FSHR: variants seen among roughly 807,000 people sequenced by gnomAD.
FSHR encodes the protein follicle stimulating hormone receptor, also known as follicle-stimulating hormone receptor.
Under a neutral mutation model 52.1 loss-of-function variants are expected in FSHR, and 46 were observed. The ratio of observed to expected loss-of-function variants is 0.88; its 90% confidence interval spans 0.70 to 1.13. The LOEUF (loss-of-function observed/expected upper bound fraction) is 1.13, where lower values mean the gene tolerates loss of function less well. Ranked by LOEUF, FSHR falls within the 50% of genes most tolerant of loss-of-function variation. The probability of loss-of-function intolerance (pLI) is 0.00; values close to 1 mark genes in which losing one functional copy is unlikely to be tolerated. For missense variants in FSHR, 964 were observed against 834.6 expected (o/e 1.16, Z -1.91); for synonymous variants, 399 against 309.6 (o/e 1.29, Z -3.03).
chr2:49,000,678 T>A (rs1457303981), intron 4 of FSHR, among the ~76,000 whole-genome samples: 1 of 152,114 alleles, frequency 6.6e-6, no homozygotes, highest in Non-Finnish European at 1.5e-5. Flanking sequence ...AAGCTGTAGA[T>A]TTTTCCCTTC....
At chr2:48,988,781 A>G (rs577356906) in intron 6 of FSHR, among the ~76,000 whole-genome samples, 196 bp downstream of exon 6, 1 of 152,352 alleles carries the variant, frequency 6.6e-6, no homozygotes, top group Admixed American at 6.5e-5. Context: ...CACACCCCAG[A>G]ATCATAAATT....
intron 1 of FSHR, among the ~76,000 whole-genome samples, chr2:49,087,808 A>T (rs1284280502): frequency 6.6e-6 from 1 of 152,198 alleles, no homozygotes; most frequent in Non-Finnish European, 1.5e-5. Flanking sequence ...TCTACGTGAC[A>T]CACATTATCT....
chr2:49,034,683 T>A (rs2104264894), intron 2 of FSHR, among the ~76,000 whole-genome samples: 1 of 152,342 alleles, frequency 6.6e-6, no homozygotes, highest in Non-Finnish European at 1.5e-5. Context: ...TTATCCCTGG[T>A]GTTATTACAG....
At chr2:48,977,121 C>G (rs1675025091) in intron 8 of FSHR, among the ~76,000 whole-genome samples, 1 of 139,524 alleles carries the variant, frequency 7.2e-6, no homozygotes, top group African/African-American at 3.1e-5. Context: ...AAAATCCCCT[C>G]TCCTCTCTCT....
intron 1 of FSHR, among the ~76,000 whole-genome samples, chr2:49,127,550 C>G (rs1301165817): frequency 6.7e-6 from 1 of 149,902 alleles, no homozygotes; most frequent in Non-Finnish European, 1.5e-5. Flanking sequence ...ACACACACCC[C>G]ATGTACACAC....
intron 2 of FSHR, among the ~76,000 whole-genome samples, chr2:49,027,924 A>C (rs1476152594): frequency 6.6e-6 from 1 of 151,816 alleles, no homozygotes; most frequent in Non-Finnish European, 1.5e-5. Context: ...TTAGGGTTGG[A>C]AGCTAGAAAA....
At chr2:49,008,713 G>C (rs1430427957) in intron 4 of FSHR, among the ~76,000 whole-genome samples, 1 of 143,598 alleles carries the variant, frequency 7.0e-6, no homozygotes, top group Non-Finnish European at 1.5e-5. Context: ...TTTAATGATT[G>C]CCATTCTAAC....
At chr2:49,071,007 G>C (rs1015107021) in intron 1 of FSHR, among the ~76,000 whole-genome samples, 3 of 152,094 alleles carry the variant, frequency 2.0e-5, no homozygotes, top group Non-Finnish European at 4.4e-5. Context: ...AACCCTGGGG[G>C]AGTTTCTGAA....
intron 8 of FSHR, among the ~76,000 whole-genome samples, chr2:48,974,355 C>T (rs1674884553): frequency 6.6e-6 from 1 of 152,144 alleles, no homozygotes; most frequent in South Asian, 2.1e-4. Flanking sequence ...CTTTCCGTTG[C>T]TCAGTGTTCT....
At chr2:49,055,946 AT>A (rs1669046656) in intron 2 of FSHR, among the ~76,000 whole-genome samples, 1 of 152,128 alleles carries the variant, frequency 6.6e-6, no homozygotes, top group East Asian at 1.9e-4. Context: ...TGAAACCAAC[AT>A]CATGACAACA....
intron 1 of FSHR, among the ~76,000 whole-genome samples, chr2:49,082,231 G>C (rs1358948559): frequency 6.6e-6 from 1 of 152,136 alleles, no homozygotes; most frequent in African/African-American, 2.4e-5. Flanking sequence ...CCCCAGCAGG[G>C]GCAGACTGAC....
At chr2:48,973,102 C>G (rs971270659) in intron 8 of FSHR, among the ~76,000 whole-genome samples, 8 of 152,178 alleles carry the variant, frequency 5.3e-5, no homozygotes, top group Admixed American at 5.2e-4. Flanking sequence ...CCTTTAAGAG[C>G]ACTGACATCT....
At position 48,963,061 on chromosome 2, in the gene FSHR, G is replaced by T. The variant is rs386833512; in HGVS notation, c.1760C>A (p.Pro587His). 1 of 1,614,040 alleles carries T rather than the reference G, an allele frequency of 6.2e-7. No homozygotes were observed. Among genetic ancestry groups the T allele is most frequent in the Non-Finnish European group, 8.5e-7 (1 of 1,179,984 alleles). Residue 587 changes from proline (P) to histidine (H), a missense_variant, in exon 10 of 10, where the codon CCC becomes CAC. Coordinates refer to ENST00000406846, the MANE Select transcript of FSHR (RefSeq NM_000145.4). ...GGCAGAAATGGCAAAGAAAGAAATGGGTGCCATGCAGAGGAAGTCAGTGAA... is the reference window on the plus strand; with the variant it reads ...GGCAGAAATGGCAAAGAAAGAAATGTGTGCCATGCAGAGGAAGTCAGTGAA... Reference protein sequence around the residue: ...LIFTDFLCMAPISFFAISASL... With the variant: ...LIFTDFLCMAHISFFAISASL...
chr2:49,089,375 A>C (rs1003650316), intron 1 of FSHR, among the ~76,000 whole-genome samples: 1 of 152,198 alleles, frequency 6.6e-6, no homozygotes, highest in Non-Finnish European at 1.5e-5. Context: ...AAATAATATC[A>C]AGGATACATT....
chr2:49,017,632 A>G, intron 3 of FSHR, 69 bp from the exon 4 acceptor site: 2 of 1,127,812 alleles, frequency 1.8e-6, no homozygotes, highest in Non-Finnish European at 1.3e-6. Context: ...TTCACATTTT[A>G]CAGAGTACAT....
At chr2:49,046,503 A>AAAGAC (rs2104293045) in intron 2 of FSHR, among the ~76,000 whole-genome samples, 1 of 152,336 alleles carries the variant, frequency 6.6e-6, no homozygotes, top group South Asian at 2.1e-4. Context: ...GAATGATAGT[A>AAAGAC]AGATTCTTAT....
chr2:48,992,497 G>T (rs1308268833), intron 4 of FSHR, among the ~76,000 whole-genome samples: 2 of 152,298 alleles, frequency 1.3e-5, no homozygotes, highest in East Asian at 3.9e-4. Flanking sequence ...GGGAGGAGTG[G>T]TGTCAGTGAT....
intron 8 of FSHR, among the ~76,000 whole-genome samples, chr2:48,977,154 T>C (rs1349105434): frequency 6.6e-6 from 1 of 152,084 alleles, no homozygotes; most frequent in Non-Finnish European, 1.5e-5. Flanking sequence ...TTTCTGTCTT[T>C]GAATAACCTT....
At chr2:49,043,204 C>G (rs1207661890) in intron 2 of FSHR, among the ~76,000 whole-genome samples, 1 of 147,800 alleles carries the variant, frequency 6.8e-6, no homozygotes, top group Non-Finnish European at 1.5e-5. Context: ...AGAAGCACTT[C>G]TTAGAGCTAA....
Sources: gnomAD v4.1 joint callset for allele counts (sites outside exome capture counted in the v4.1 genomes callset) on GRCh38, gnomAD v4.1.1 for gene constraint, MANE v1.5 for transcripts, NCBI Gene and HGNC (gene_info 2026-07-23, HGNC 2026-07-21) for gene names.